Variants in SFMBT2 observed in about 807,000 individuals in gnomAD.
SFMBT2 encodes Scm like with four mbt domains 2.
In SFMBT2, 38 loss-of-function variants were observed where a neutral mutation model predicts 110.1. The ratio of observed to expected loss-of-function variants is 0.35; its 90% confidence interval spans 0.27 to 0.45. The LOEUF is 0.45. SFMBT2 is among the 20% of genes least tolerant of loss of function. The probability of loss-of-function intolerance (pLI) is 1.00; values close to 1 mark genes in which losing one functional copy is unlikely to be tolerated. For synonymous variants in SFMBT2, 425 were observed against 425.4 expected, an observed-to-expected ratio of 1.00 and a Z score of 0.01; for missense variants, 1,011 against 1,094.9, an observed-to-expected ratio of 0.92 and a Z score of 1.08.
chr10:7,171,144 G>C lies in SFMBT2; in HGVS notation c.2416-88C>G. On this transcript the variant is annotated intron_variant, in intron 19 of 20. Transcript: ENST00000397167. This position sits in a 1 kb window ranked among gnomAD's most constrained non-coding sequence, Gnocchi z 4.9. ...CACTCTCCAGGCCTCGGCCGTTCCT[G>C]GCCGGAAGCCACTGCCTCCCTTTGC... The C allele has an allele frequency of 6.3e-7, 1 of 1,592,266 alleles. No individual in the cohort carries two copies.
intron 10 of SFMBT2, among the ~76,000 whole-genome samples, chr10:7,223,371 T>C (rs1839807406): frequency 6.6e-6 from 1 of 152,198 alleles, no homozygotes; most frequent in Non-Finnish European, 1.5e-5. Context: ...AGCTTGCATT[T>C]GCCCTGCTGA....
chr10:7,266,112 CAG>C (rs1244093185), intron 7 of SFMBT2, among the ~76,000 whole-genome samples: 2 of 150,820 alleles, frequency 1.3e-5, no homozygotes, highest in Non-Finnish European at 3.0e-5. Context: ...TTCTTTGAGA[CAG>C]AGTCTTGCTC....
rs377025803 is a variant in SFMBT2, at chr10:7,171,559, C to T, written c.2415+336G>A. On this transcript the variant is annotated intron_variant, in intron 19 of 20. Coordinates refer to ENST00000397167, the MANE Select transcript of SFMBT2 (RefSeq NM_001387889.1). This position sits in a 1 kb window ranked among gnomAD's most constrained non-coding sequence, Gnocchi z 4.9. Reference sequence around the variant, plus strand: ...GAGGGGACGTGGGAGCAAGACACAGCGCAGTCAGGGGAGATGCGGGGAAGG... The same window carrying T: ...GAGGGGACGTGGGAGCAAGACACAGTGCAGTCAGGGGAGATGCGGGGAAGG... 18 of 985,346 alleles carry T rather than the reference C, an allele frequency of 1.8e-5. No homozygotes were observed. In the South Asian group the frequency reaches 4.2e-4, roughly 23 times the overall value. The allele number at this position is 985,346 out of a possible 1,614,324, so 61.0% of individuals were successfully genotyped here. A position where few individuals can be genotyped will look rare whatever the true frequency, so the allele number is the denominator to read the frequency against.
intron 1 of SFMBT2, among the ~76,000 whole-genome samples, chr10:7,399,419 A>T (rs1397893090): frequency 6.6e-6 from 1 of 151,844 alleles, no homozygotes; most frequent in Non-Finnish European, 1.5e-5. Context: ...TTTAGTAGAG[A>T]CGGGGTTTCA....
intron 7 of SFMBT2, among the ~76,000 whole-genome samples, chr10:7,266,244 C>A (rs1213206907): frequency 6.6e-6 from 1 of 152,162 alleles, no homozygotes; most frequent in African/African-American, 2.4e-5. Flanking sequence ...CAAGCACCAC[C>A]ATGCCCAGAT....
intron 7 of SFMBT2, among the ~76,000 whole-genome samples, chr10:7,275,095 C>T (rs1841727911): frequency 1.3e-5 from 2 of 152,170 alleles, no homozygotes; most frequent in South Asian, 4.1e-4. Context: ...CAGGCAGGAC[C>T]CGCACAGCTG....
intron 4 of SFMBT2, among the ~76,000 whole-genome samples, chr10:7,320,187 C>T (rs1190072328): frequency 6.6e-6 from 1 of 152,188 alleles, no homozygotes; most frequent in African/African-American, 2.4e-5. Flanking sequence ...GTCATACATG[C>T]GAAGTGATTT....
chr10:7,383,719 C>A (rs147710321), intron 1 of SFMBT2, among the ~76,000 whole-genome samples: 2 of 152,140 alleles, frequency 1.3e-5, no homozygotes, highest in South Asian at 2.1e-4. Context: ...CCTGTCAATG[C>A]GAGATTATCG....
At chr10:7,272,019 G>A (rs1050098418) in intron 7 of SFMBT2, among the ~76,000 whole-genome samples, 5 of 152,140 alleles carry the variant, frequency 3.3e-5, no homozygotes, top group Non-Finnish European at 5.9e-5. Flanking sequence ...TACAAAGGGC[G>A]TTACAGAAAC....
At chr10:7,228,285 A>G (rs1270761130) in intron 9 of SFMBT2, 8 of 435,658 alleles carry the variant, frequency 1.8e-5, no homozygotes, top group African/African-American at 2.1e-5. Context: ...ATAGACAATG[A>G]CATCTCCCTT....
chr10:7,274,676 T>C (rs766535744), intron 7 of SFMBT2, among the ~76,000 whole-genome samples: 13 of 152,128 alleles, frequency 8.5e-5, no homozygotes, highest in Non-Finnish European at 1.8e-4. Context: ...AGGTATGTCT[T>C]CCCTAACAGC....
At chr10:7,223,126 T>C (rs975874449) in intron 10 of SFMBT2, among the ~76,000 whole-genome samples, 2 of 152,196 alleles carry the variant, frequency 1.3e-5, no homozygotes, top group Non-Finnish European at 2.9e-5. Context: ...ATTCAACCCA[T>C]ACCATTAAGT....
intron 4 of SFMBT2, among the ~76,000 whole-genome samples, chr10:7,310,049 T>C (rs1161214732): frequency 3.3e-5 from 5 of 152,198 alleles, no homozygotes; most frequent in Admixed American, 6.5e-5. Flanking sequence ...CCAATAATAC[T>C]GCCTCCAGTT....
chr10:7,207,138 T>C (rs1839163189), intron 11 of SFMBT2, among the ~76,000 whole-genome samples: 1 of 152,052 alleles, frequency 6.6e-6, no homozygotes, highest in African/African-American at 2.4e-5. Context: ...GGCAGGAGGA[T>C]TGCTTGAGTC....
intron 11 of SFMBT2, among the ~76,000 whole-genome samples, chr10:7,212,333 T>C (rs560104345): frequency 6.6e-6 from 1 of 152,196 alleles, no homozygotes; most frequent in East Asian, 1.9e-4. Flanking sequence ...GGAATACACA[T>C]TTTATTTCTT....
intron 5 of SFMBT2, chr10:7,284,927 G>C (rs1842045425): frequency 6.6e-6 from 1 of 152,096 alleles, no homozygotes; most frequent in South Asian, 2.1e-4. Context: ...ATTTTGATTT[G>C]TTAATGAACA....
intron 9 of SFMBT2, among the ~76,000 whole-genome samples, chr10:7,237,127 T>A (rs1840281977): frequency 6.6e-6 from 1 of 152,158 alleles, no homozygotes; most frequent in Non-Finnish European, 1.5e-5. Flanking sequence ...AAATGTAAAC[T>A]GACACAACGT....
At chr10:7,227,343 T>A (rs1284407834) in intron 10 of SFMBT2, among the ~76,000 whole-genome samples, 1 of 152,176 alleles carries the variant, frequency 6.6e-6, no homozygotes, top group Middle Eastern at 3.2e-3. Flanking sequence ...ACGTGTCCTC[T>A]TCACTCCAGA....
chr10:7,269,868 T>G (rs528949607), intron 7 of SFMBT2, among the ~76,000 whole-genome samples: 1 of 151,504 alleles, frequency 6.6e-6, no homozygotes, highest in East Asian at 2.0e-4. Flanking sequence ...GCTAAGACAG[T>G]TGGATCCTCA....
Sources: gnomAD v4.1 joint callset for allele counts (sites outside exome capture counted in the v4.1 genomes callset) on GRCh38, gnomAD v4.1.1 for gene constraint, Gnocchi (gnomAD v3.1) non-coding constraint, MANE v1.5 for transcripts, NCBI Gene and HGNC (gene_info 2026-07-23, HGNC 2026-07-21) for gene names.